PCDHGA2: variants seen among roughly 807,000 people sequenced by gnomAD.
PCDHGA2 encodes the protein protocadherin gamma subfamily A, 2, also known as protocadherin gamma-A2.
In PCDHGA2, 40 loss-of-function variants were observed where a neutral mutation model predicts 59.2. The observed-to-expected ratio is 0.68, with a 90% CI of 0.52 to 0.88. The LOEUF is 0.88. Among genes scored for constraint, PCDHGA2 ranks in the 40% least tolerant of loss-of-function variants. PCDHGA2 has a pLI of 0.00. For missense variants in PCDHGA2, 1,226 were observed against 1,204.0 expected (o/e 1.02, Z -0.27); for synonymous variants, 560 against 526.0 (o/e 1.06, Z -0.89).
intron 1 of PCDHGA2, chr5:141,356,367 T>A: frequency 6.4e-7 from 1 of 1,559,764 alleles, no homozygotes; most frequent in South Asian, 1.2e-5. Context: ...TTCCAGATAA[T>A]CTGCCATTCA....
chr5:141,367,411 C>G (rs1046748433), intron 1 of PCDHGA2: 8 of 152,236 alleles, frequency 5.3e-5, no homozygotes, highest in Admixed American at 3.9e-4. Context: ...GTGGCAGGCG[C>G]CTGTAGTCCC....
chr5:141,427,751 C>G (rs778043340), intron 1 of PCDHGA2: 6 of 1,306,076 alleles, frequency 4.6e-6, no homozygotes, highest in Non-Finnish European at 6.6e-6. Context: ...CCTACTCCAT[C>G]GTTACCACTG....
chr5:141,466,933 C>A (rs1305734739), intron 1 of PCDHGA2, among the ~76,000 whole-genome samples: 1 of 152,100 alleles, frequency 6.6e-6, no homozygotes, highest in Non-Finnish European at 1.5e-5. Context: ...GAATATTAGT[C>A]CTTTGTCCAG....
At chr5:141,460,134 T>TCAAAGA in intron 1 of PCDHGA2, among the ~76,000 whole-genome samples, 1 of 152,066 alleles carries the variant, frequency 6.6e-6, no homozygotes, top group South Asian at 2.1e-4. Flanking sequence ...AATATATATA[T>TCAAAGA]TCTTGATGTG....
At position 141,383,693 on chromosome 5, in the gene PCDHGA2, A is replaced by G. The variant is rs771447649; in HGVS notation, c.2424+42298A>G. 6 of 1,613,930 alleles carry G rather than the reference A, an allele frequency of 3.7e-6. No individual in the cohort carries two copies. The African/African-American group carries it at 4.0e-5, about 11-fold the overall frequency. On this transcript the variant is annotated intron_variant, in intron 1 of 3. Coordinates refer to ENST00000394576, the MANE Select transcript of PCDHGA2 (RefSeq NM_018915.4). Reference sequence around the variant, plus strand: ...GTGGGTACAAGACTGCTCACGGTACATGCTATCGACCTGGACGAGGGAGTC... The same window carrying G: ...GTGGGTACAAGACTGCTCACGGTACGTGCTATCGACCTGGACGAGGGAGTC...
At chr5:141,345,428 C>T (rs751595481) in intron 1 of PCDHGA2, 2 of 1,614,082 alleles carry the variant, frequency 1.2e-6, no homozygotes, top group Admixed American at 3.3e-5. Flanking sequence ...CAGAAAACAA[C>T]CCCAGAGGAG....
chr5:141,393,500 C>T lies in PCDHGA2; in HGVS notation c.2424+52105C>T, dbSNP rs747121608. 6.2e-6 allele frequency: 10 copies of T among 1,613,922 alleles called. No homozygotes were observed. In the African/African-American group the frequency reaches 6.7e-5, roughly 11 times the overall value. On this transcript the variant is annotated intron_variant, in intron 1 of 3. Coordinates refer to ENST00000394576, the MANE Select transcript of PCDHGA2 (RefSeq NM_018915.4). The stretch of plus-strand genomic sequence containing the variant: ...CTCGCTCTAGCACAGTGCGCATCCA[C>T]GTGACAGTGTTGGATACAAATGACA...
intron 1 of PCDHGA2, among the ~76,000 whole-genome samples, chr5:141,494,341 G>C (rs565090556): frequency 9.2e-5 from 14 of 152,352 alleles, no homozygotes; most frequent in Admixed American, 9.1e-4. Context: ...ACCAAGAACA[G>C]CAGCCATCTT....
At chr5:141,346,734 A>C (rs796474692) in intron 1 of PCDHGA2, among the ~76,000 whole-genome samples, 1 of 152,328 alleles carries the variant, frequency 6.6e-6, no homozygotes, top group African/African-American at 2.4e-5. Context: ...CAGATCTCTA[A>C]GTTACTATTT....
intron 1 of PCDHGA2, among the ~76,000 whole-genome samples, chr5:141,369,540 A>G (rs983606884): frequency 1.3e-5 from 2 of 152,200 alleles, no homozygotes; most frequent in African/African-American, 4.8e-5. Context: ...TATTTAATTA[A>G]AAGTAGACAC....
In PCDHGA2 at chr5:141,383,574, C is replaced by T. The variant is rs1338805390; in HGVS notation, c.2424+42179C>T. The stretch of plus-strand genomic sequence containing the variant: ...GCGGCGACCCGCCCCGATCCAGCAC[C>T]GCCCACATCCAGGTGACAGTGGTGG... On this transcript the variant is annotated intron_variant, in intron 1 of 3. Transcript: ENST00000394576. The T allele has an allele frequency of 3.7e-6, 6 of 1,613,366 alleles. No homozygotes were observed. In the South Asian group the frequency reaches 5.5e-5, roughly 15 times the overall value.
chr5:141,357,315 G>A (rs983048420), intron 1 of PCDHGA2: 9 of 1,614,088 alleles, frequency 5.6e-6, no homozygotes, highest in Non-Finnish European at 7.6e-6. Context: ...GCGTCTTCCT[G>A]GCTTTTGTCA....
At chr5:141,346,370 C>T (rs1446206290) in intron 1 of PCDHGA2, 1 of 1,614,238 alleles carries the variant, frequency 6.2e-7, no homozygotes, top group East Asian at 2.2e-5. Flanking sequence ...CGGACACGCT[C>T]ATCAGCCAGG....
chr5:141,503,221 C>A (rs528636727), intron 2 of PCDHGA2, among the ~76,000 whole-genome samples: 2 of 151,956 alleles, frequency 1.3e-5, no homozygotes, highest in Non-Finnish European at 2.9e-5. Context: ...CCATGAGCAC[C>A]GTAAAGATGG....
At chr5:141,404,784 C>T (rs780341962) in intron 1 of PCDHGA2, 2 of 1,613,832 alleles carry the variant, frequency 1.2e-6, no homozygotes, top group Non-Finnish European at 1.7e-6. Flanking sequence ...CTATTCAAGG[C>T]CAGTGAGCCA....
chr5:141,387,421 A>T (rs1379081151), intron 1 of PCDHGA2, among the ~76,000 whole-genome samples: 1 of 152,250 alleles, frequency 6.6e-6, no homozygotes, highest in Non-Finnish European at 1.5e-5. Flanking sequence ...GCTTATGTCA[A>T]TAAATGTTTA....
chr5:141,439,636 G>A (rs114401133), intron 1 of PCDHGA2, among the ~76,000 whole-genome samples: 27 of 152,206 alleles, frequency 1.8e-4, no homozygotes, highest in Non-Finnish European at 2.9e-4. Context: ...CAGACATTCC[G>A]GCTTGGTGGC....
Position 141,340,651 on chromosome 5 carries a change from C to T in PCDHGA2, c.1680C>T (p.Pro560=). 4.3e-6 allele frequency: 7 copies of T among 1,614,220 alleles called. No individual in the cohort carries two copies. Among genetic ancestry groups the T allele is most frequent in the South Asian group, 2.2e-5 (2 of 91,082 alleles). The stretch of plus-strand genomic sequence containing the variant: ...TGCTGGACCAGAACGACAACGCGCC[C>T]GAGATCCTGTACCCTGCCTTCCCCA... ...LFVLDQNDNA[P]EILYPAFPTD... The change falls in exon 1 of 4, where the codon CCC becomes CCT. Residue 560 remains proline, a synonymous_variant. Transcript: ENST00000394576.
rs372458558 is a variant in PCDHGA2, at chr5:141,384,112, G to A, written c.2424+42717G>A. On this transcript the variant is annotated intron_variant, in intron 1 of 3. Transcript: ENST00000394576. ...ATCAATAGATAATTATTATAGATTG[G>A]TCACAACCAAAAACTTGGACCGGGA... The A allele has an allele frequency of 8.1e-6, 13 of 1,605,274 alleles. No individual in the cohort carries two copies. The South Asian group carries it at 8.9e-5, about 11-fold the overall frequency.
Sources: allele counts gnomAD v4.1 joint callset (sites outside exome capture counted in the v4.1 genomes callset), GRCh38; gene constraint gnomAD v4.1.1; transcripts MANE v1.5; gene names NCBI Gene and HGNC (gene_info 2026-07-23, HGNC 2026-07-21).